Variants in DUSP16 observed in about 807,000 individuals in gnomAD.
DUSP16 encodes dual specificity protein phosphatase 16.
A neutral mutation model predicts 58.3 loss-of-function variants in DUSP16; 21 were observed. The observed-to-expected ratio is 0.36, with a 90% CI of 0.26 to 0.52. DUSP16 has a LOEUF of 0.52. Ranked by LOEUF, DUSP16 falls within the 20% of genes least tolerant of loss-of-function variation. The pLI is 0.94. For missense variants in DUSP16, 726 were observed against 819.0 expected (o/e 0.89, Z 1.39); for synonymous variants, 320 against 323.8 (o/e 0.99, Z 0.12).
intron 5 of DUSP16, 130 bp from the exon 6 acceptor site, chr12:12,480,476 T>C: frequency 9.5e-7 from 1 of 1,052,626 alleles, no homozygotes; most frequent in Non-Finnish European, 1.3e-6. Flanking sequence ...GTATATCATA[T>C]TTATCCTCGC....
intron 4 of DUSP16, among the ~76,000 whole-genome samples, chr12:12,494,748 G>A (rs980505640): frequency 1.3e-4 from 20 of 152,268 alleles, no homozygotes; most frequent in Admixed American, 8.5e-4. Context: ...GAGAACAGGA[G>A]AGGTAAGAAC....
At position 12,473,738 on chromosome 12, in the gene DUSP16, A is replaced by G. The variant is rs139867230; in HGVS notation, c.*3095T>C. Among the ~76,000 whole-genome samples, 6 of 152,336 alleles carry G rather than the reference A, an allele frequency of 3.9e-5. No individual in the cohort carries two copies. Among genetic ancestry groups the G allele is most frequent in the Admixed American group, 2.0e-4 (3 of 15,298 alleles). On this transcript the variant is annotated 3_prime_UTR_variant, in exon 7 of 7. Coordinates refer to ENST00000298573, the MANE Select transcript of DUSP16 (RefSeq NM_030640.3). ...CTGATGAGACTAAGTTTCTAGTCTC[A>G]TAAGTCATCAAATCTAGTGTCATGA...
intron 5 of DUSP16, chr12:12,485,462 G>A (rs1029608248): frequency 6.6e-5 from 10 of 152,012 alleles, no homozygotes; most frequent in Non-Finnish European, 1.2e-4. Context: ...GCATTAAATA[G>A]AATATTCCCC....
At chr12:12,547,580 T>G (rs1944665011) in intron 1 of DUSP16, among the ~76,000 whole-genome samples, 1 of 129,966 alleles carries the variant, frequency 7.7e-6, no homozygotes, top group South Asian at 2.8e-4. Context: ...ACTGTGTATC[T>G]CCAGGGTAAG....
At chr12:12,539,504 GA>G in intron 1 of DUSP16, among the ~76,000 whole-genome samples, 1 of 152,230 alleles carries the variant, frequency 6.6e-6, no homozygotes, top group Non-Finnish European at 1.5e-5. Flanking sequence ...GCTTGGGAGA[GA>G]TAGAGTTCAG....
Position 12,521,026 on chromosome 12 carries a change from T to C in DUSP16, c.73A>G (p.Lys25Glu). The change falls in exon 2 of 7, where the codon AAA becomes GAA. Residue 25 changes from lysine to glutamate, a missense_variant. Coordinates refer to ENST00000298573, the MANE Select transcript of DUSP16 (RefSeq NM_030640.3). ...GGCCGGCTATCAATTAGCAGCACTT[T>C]TTCCGTTCCACTTTCCAGCAGAGCC... ...LVALLESGTEKVLLIDSRPFV... is the reference protein window; with the variant it reads ...LVALLESGTEEVLLIDSRPFV... 1 of 1,614,222 alleles carries C rather than the reference T, an allele frequency of 6.2e-7. No individual in the cohort carries two copies.
chr12:12,534,971 A>G (rs889221105), intron 1 of DUSP16, among the ~76,000 whole-genome samples: 59 of 152,236 alleles, frequency 3.9e-4, no homozygotes, highest in African/African-American at 1.3e-3. Context: ...ACTTCCACCT[A>G]AGCCTCACAG....
rs1322387318 is a variant in DUSP16 at position 12,477,931 on chromosome 12, G to C, written c.900C>G (p.Asn300Lys). The C allele has an allele frequency of 1.2e-6, 2 of 1,614,064 alleles. No homozygotes were observed. The highest frequency in any genetic ancestry group is 1.7e-6 in the Non-Finnish European group (2 of 1,180,044). Residue 300 changes from asparagine (N) to lysine (K), a missense_variant, in exon 7 of 7, where the codon AAC becomes AAG. By Grantham distance (94) the Asn-to-Lys change is moderately conservative. Transcript: ENST00000298573. The surrounding 1 kb of genome is among the most constrained non-coding windows in gnomAD (Gnocchi z 4.1). ...TCTTTGGCCCTGATGCTCCAGTCTG[G>C]TTCTTAATCTTCTTCTCATAGTCCA... ...QLLDYEKKIK[N>K]QTGASGPKSK...
At chr12:12,523,228 C>A (rs1944259968) in intron 1 of DUSP16, among the ~76,000 whole-genome samples, 1 of 152,206 alleles carries the variant, frequency 6.6e-6, no homozygotes, top group Non-Finnish European at 1.5e-5. Flanking sequence ...ATAGTGGCCT[C>A]ATCTCTTCAA....
intron 3 of DUSP16, among the ~76,000 whole-genome samples, chr12:12,501,049 C>G (rs1354108297): frequency 1.3e-5 from 2 of 152,138 alleles, no homozygotes; most frequent in African/African-American, 2.4e-5. Context: ...CAATAATTCA[C>G]AGAAGCAGAA....
chr12:12,497,841 G>A lies in DUSP16; in HGVS notation c.531+2678C>T, dbSNP rs145536016. Among the ~76,000 whole-genome samples, 290 of 151,966 alleles carry A rather than the reference G, an allele frequency of 1.9e-3. 2 individuals are homozygous for A. The highest frequency in any genetic ancestry group is 6.3e-3 in the African/African-American group (262 of 41,434). ...AAAAATTAGTCAGGCATGGTGGTGC[G>A]TGCCTGTAGTCTCAGCTACTCGGGA... On this transcript the variant is annotated intron_variant, in intron 4 of 6. Transcript: ENST00000298573.
At chr12:12,490,575 CAAAT>C (rs1383921693) in intron 4 of DUSP16, among the ~76,000 whole-genome samples, 2 of 152,116 alleles carry the variant, frequency 1.3e-5, no homozygotes, top group Non-Finnish European at 2.9e-5. Flanking sequence ...TAACTTAAAA[CAAAT>C]AAACATGCAT....
intron 3 of DUSP16, among the ~76,000 whole-genome samples, chr12:12,509,259 G>A (rs767721433): frequency 2.8e-4 from 42 of 152,234 alleles, no homozygotes; most frequent in Non-Finnish European, 5.4e-4. Context: ...GTGCTTTCCC[G>A]CCTTTAGGCT....
At chr12:12,553,876 T>G (rs1445676072) in intron 1 of DUSP16, among the ~76,000 whole-genome samples, 30 of 152,148 alleles carry the variant, frequency 2.0e-4, no homozygotes, top group Non-Finnish European at 1.5e-5. Context: ...TCTTAAAATT[T>G]TATTACTAAA....
chr12:12,545,270 T>C (rs536328305), intron 1 of DUSP16, among the ~76,000 whole-genome samples: 1 of 152,216 alleles, frequency 6.6e-6, no homozygotes, highest in African/African-American at 2.4e-5. Context: ...TAAATTTATG[T>C]TTACTTTGAG....
At chr12:12,514,931 A>T (rs11054947) in intron 3 of DUSP16, among the ~76,000 whole-genome samples, 80,224 of 151,978 alleles carry the variant, frequency 0.53, 21,575 homozygotes, top group East Asian at 0.71. Context: ...AGTGTTGGGA[A>T]TACAGGCATA....
intron 3 of DUSP16, among the ~76,000 whole-genome samples, chr12:12,503,688 C>A (rs76768975): frequency 0.064 from 9,705 of 152,182 alleles, 442 homozygotes; most frequent in East Asian, 0.18. Flanking sequence ...GACAGGATAG[C>A]GGTCTAAAAA....
chr12:12,529,844 G>A (rs1252369485), intron 1 of DUSP16, among the ~76,000 whole-genome samples: 1 of 152,136 alleles, frequency 6.6e-6, no homozygotes, highest in Non-Finnish European at 1.5e-5. Context: ...GTTCATCCAT[G>A]TTGTAGAAAA....
At chr12:12,557,709 G>C (rs763364221) in intron 1 of DUSP16, among the ~76,000 whole-genome samples, 2 of 152,044 alleles carry the variant, frequency 1.3e-5, no homozygotes, top group South Asian at 2.1e-4. Flanking sequence ...CTTTACTACC[G>C]ACCACTATTT....
Sources: allele counts gnomAD v4.1 joint callset (sites outside exome capture counted in the v4.1 genomes callset), GRCh38; gene constraint gnomAD v4.1.1; non-coding constraint Gnocchi (gnomAD v3.1); transcripts MANE v1.5; gene names NCBI Gene and HGNC (gene_info 2026-07-23, HGNC 2026-07-21).